SRBD1: variants seen among roughly 807,000 people sequenced by gnomAD.
SRBD1 encodes S1 RNA-binding domain-containing protein 1.
SRBD1 carries 88 observed loss-of-function variants against 115.3 expected under a neutral mutation model. That is an observed-to-expected ratio of 0.76 (90% CI 0.64 to 0.91). SRBD1 has a LOEUF of 0.91. SRBD1 is among the 40% of genes least tolerant of loss of function. The pLI is 0.00. For missense variants in SRBD1, 1,385 were observed against 1,177.4 expected (o/e 1.18, Z -2.58); for synonymous variants, 509 against 407.7 (o/e 1.25, Z -2.99).
chr2:45,541,343 C>A (rs1326833637), intron 14 of SRBD1, among the ~76,000 whole-genome samples: 1 of 152,248 alleles, frequency 6.6e-6, no homozygotes, highest in African/African-American at 2.4e-5. Flanking sequence ...TAGGTCTGGG[C>A]TCCCCAAAGG....
At chr2:45,594,079 G>C (rs1221443612) in intron 4 of SRBD1, among the ~76,000 whole-genome samples, 1 of 152,094 alleles carries the variant, frequency 6.6e-6, no homozygotes, top group Non-Finnish European at 1.5e-5. Flanking sequence ...TTAACAAAAA[G>C]TACCAATTTC....
At chr2:45,549,091 T>G (rs372141416) in intron 12 of SRBD1, 1 of 152,228 alleles carries the variant, frequency 6.6e-6, no homozygotes, top group Non-Finnish European at 1.5e-5. Context: ...TGGAAAACAC[T>G]GATCCCTATG....
At chr2:45,537,693 C>T (rs2104000467) in intron 14 of SRBD1, among the ~76,000 whole-genome samples, 1 of 152,238 alleles carries the variant, frequency 6.6e-6, no homozygotes, top group South Asian at 2.1e-4. Context: ...GATGCTATGC[C>T]ATTTTTCCTG....
chr2:45,575,876 G>T (rs563233391), intron 7 of SRBD1, among the ~76,000 whole-genome samples: 7 of 152,186 alleles, frequency 4.6e-5, no homozygotes, highest in African/African-American at 1.7e-4. Context: ...GCTAATTTTT[G>T]TATTTTTAGT....
chr2:45,426,880 C>T (rs1318666554), intron 16 of SRBD1, among the ~76,000 whole-genome samples: 1 of 152,132 alleles, frequency 6.6e-6, no homozygotes, highest in Non-Finnish European at 1.5e-5. Flanking sequence ...GATAAATCCA[C>T]AAAGATGAGG....
intron 16 of SRBD1, among the ~76,000 whole-genome samples, chr2:45,435,409 T>C (rs3821055): frequency 0.11 from 16,400 of 151,946 alleles, 1,069 homozygotes; most frequent in East Asian, 0.2. Context: ...GAGGTTGGGA[T>C]TCCTGAAGGT....
At chr2:45,496,234 T>G (rs1260237509) in intron 14 of SRBD1, among the ~76,000 whole-genome samples, 1 of 152,202 alleles carries the variant, frequency 6.6e-6, no homozygotes, top group East Asian at 1.9e-4. Flanking sequence ...GTAATAAATA[T>G]GAGAAGTTCA....
At chr2:45,525,265 GAAC>G (rs1671406646) in intron 14 of SRBD1, among the ~76,000 whole-genome samples, 1 of 151,910 alleles carries the variant, frequency 6.6e-6, no homozygotes, top group African/African-American at 2.4e-5. Context: ...CCAAAAATCT[GAAC>G]AACAAAGGAA....
At chr2:45,449,926 G>A (rs1668942135) in intron 16 of SRBD1, among the ~76,000 whole-genome samples, 4 of 152,134 alleles carry the variant, frequency 2.6e-5, no homozygotes, top group Admixed American at 2.6e-4. Context: ...GGTGATCTGG[G>A]TCTATAGTCA....
At chr2:45,412,925 G>C (rs975178398) in intron 19 of SRBD1, among the ~76,000 whole-genome samples, 189 bp downstream of exon 19, 11 of 152,256 alleles carry the variant, frequency 7.2e-5, no homozygotes, top group Non-Finnish European at 1.5e-4. Context: ...CAATGCTCCA[G>C]GAGTAATGGT....
intron 9 of SRBD1, among the ~76,000 whole-genome samples, chr2:45,566,404 C>G (rs1175736017): frequency 1.3e-5 from 2 of 152,046 alleles, no homozygotes; most frequent in African/African-American, 4.8e-5. Flanking sequence ...TAATACATAC[C>G]ATAACAGACA....
At chr2:45,495,473 A>G (rs1035334054) in intron 14 of SRBD1, among the ~76,000 whole-genome samples, 1 of 150,794 alleles carries the variant, frequency 6.6e-6, no homozygotes, top group Admixed American at 6.6e-5. Flanking sequence ...TAAGCATCTC[A>G]CTCTCTCTCT....
intron 14 of SRBD1, among the ~76,000 whole-genome samples, chr2:45,527,997 G>C (rs1671501310): frequency 6.6e-6 from 1 of 151,846 alleles, no homozygotes; most frequent in African/African-American, 2.4e-5. Context: ...GATCAGGAGA[G>C]ATTTAGCTGA....
intron 10 of SRBD1, among the ~76,000 whole-genome samples, chr2:45,561,060 T>A (rs1214950678): frequency 6.6e-6 from 1 of 152,094 alleles, no homozygotes; most frequent in East Asian, 1.9e-4. Context: ...TGAGCTATGA[T>A]AGCACCTGTG....
intron 1 of SRBD1, among the ~76,000 whole-genome samples, chr2:45,607,098 C>T (rs1418298583): frequency 6.6e-6 from 1 of 152,150 alleles, no homozygotes; most frequent in African/African-American, 2.4e-5. Flanking sequence ...GATAATCTTC[C>T]ATCTTTCCCT....
At chr2:45,590,182 T>C (rs1673673675) in intron 4 of SRBD1, among the ~76,000 whole-genome samples, 1 of 152,208 alleles carries the variant, frequency 6.6e-6, no homozygotes, top group Admixed American at 6.5e-5. Context: ...CTGAGAAAAT[T>C]ATTACAGCGA....
chr2:45,434,077 A>T (rs879870170), intron 16 of SRBD1, among the ~76,000 whole-genome samples: 2 of 152,234 alleles, frequency 1.3e-5, no homozygotes, highest in African/African-American at 4.8e-5. Flanking sequence ...GATAAAGCAT[A>T]TGGAAGGTAC....
At chr2:45,574,414 G>GA (rs1469059941) in intron 8 of SRBD1, among the ~76,000 whole-genome samples, 1 of 152,200 alleles carries the variant, frequency 6.6e-6, no homozygotes, top group African/African-American at 2.4e-5. Context: ...TGAGTAGGCA[G>GA]AGTTCCAGGC....
intron 2 of SRBD1, among the ~76,000 whole-genome samples, chr2:45,602,356 T>C (rs1674121992): frequency 6.6e-6 from 1 of 152,196 alleles, no homozygotes; most frequent in South Asian, 2.1e-4. Context: ...ACACATTCAT[T>C]CAAGACATAG....
Sources: allele counts gnomAD v4.1 joint callset (sites outside exome capture counted in the v4.1 genomes callset), GRCh38; gene constraint gnomAD v4.1.1; transcripts MANE v1.5; gene names NCBI Gene and HGNC (gene_info 2026-07-23, HGNC 2026-07-21).